The following FNDC3A variants were observed in gnomAD, a reference collection of about 807,000 sequenced individuals.
FNDC3A encodes the protein fibronectin type III domain containing 3A.
A neutral mutation model predicts 148.9 loss-of-function variants in FNDC3A; 32 were observed. That is an observed-to-expected ratio of 0.21 (90% CI 0.16 to 0.29). The LOEUF (loss-of-function observed/expected upper bound fraction) is 0.29. FNDC3A is among the 10% of genes least tolerant of loss of function. The pLI is 1.00. For synonymous variants in FNDC3A, 472 were observed against 473.6 expected (o/e 1.00, Z 0.04); for missense variants, 1,191 against 1,452.8 (o/e 0.82, Z 2.93).
chr13:49,011,976 A>G (rs1952355385), intron 2 of FNDC3A, among the ~76,000 whole-genome samples: 1 of 152,128 alleles, frequency 6.6e-6, no homozygotes, highest in African/African-American at 2.4e-5. Context: ...TTTTCCATGT[A>G]TGTATAACTT....
intron 3 of FNDC3A, among the ~76,000 whole-genome samples, chr13:49,107,749 C>T (rs578206815): frequency 6.6e-6 from 1 of 152,290 alleles, no homozygotes; most frequent in Non-Finnish European, 1.5e-5. Context: ...CTCTGATAAT[C>T]ATCCTAGAAA....
chr13:49,175,943 T>C (rs985259818), intron 13 of FNDC3A, among the ~76,000 whole-genome samples: 1 of 152,234 alleles, frequency 6.6e-6, no homozygotes, highest in African/African-American at 2.4e-5. Flanking sequence ...TTTCTGCATC[T>C]ATCGAGATAA....
At chr13:49,080,871 TC>T (rs754794379) in intron 3 of FNDC3A, among the ~76,000 whole-genome samples, 4 of 152,182 alleles carry the variant, frequency 2.6e-5, no homozygotes, top group Non-Finnish European at 5.9e-5. Context: ...CTAGATATCA[TC>T]TGTTCTGTGA....
intron 2 of FNDC3A, among the ~76,000 whole-genome samples, chr13:49,060,366 G>A (rs999332422): frequency 1.3e-5 from 2 of 151,948 alleles, no homozygotes; most frequent in East Asian, 1.9e-4. Flanking sequence ...ATGCTGAGGC[G>A]GGGCTGGTGG....
At position 49,178,616 on chromosome 13, in the gene FNDC3A, G is replaced by T. The variant is rs1433784816; in HGVS notation, c.1579G>T (p.Val527Leu). 3 of 1,583,118 alleles carry T rather than the reference G, an allele frequency of 1.9e-6. No individual in the cohort carries two copies. The East Asian group carries it at 7.0e-5, about 37-fold the overall frequency. ...KYDGEDLAYT[V>L]KNLRRSTKYK... is the part of the protein sequence containing the mutation. ...TGATGGAGAAGATCTTGCTTACACA[G>T]TGAAAAATCTCAGACGTAGTACTAA... The change falls in exon 14 of 26, where the codon GTG becomes TTG. Residue 527 changes from valine to leucine, a missense_variant. By Grantham distance (32) the Val-to-Leu change is conservative. Transcript: ENST00000492622.
intron 3 of FNDC3A, among the ~76,000 whole-genome samples, chr13:49,107,623 T>C (rs1270270749): frequency 6.6e-6 from 1 of 152,182 alleles, no homozygotes; most frequent in African/African-American, 2.4e-5. Context: ...GTATGTAATA[T>C]TGAGTTCAGT....
intron 3 of FNDC3A, among the ~76,000 whole-genome samples, chr13:49,079,055 G>A (rs1418967071): frequency 1.3e-5 from 2 of 152,164 alleles, no homozygotes; most frequent in African/African-American, 4.8e-5. Flanking sequence ...ATTTAGAAAT[G>A]AAAACTAGGT....
chr13:49,175,223 G>A (rs1884967425), intron 12 of FNDC3A, 144 bp from the exon 13 acceptor site: 2 of 513,148 alleles, frequency 3.9e-6, no homozygotes, highest in Non-Finnish European at 6.6e-6. Context: ...TTATCATAAA[G>A]AGATCAAACC....
Position 49,076,195 on chromosome 13 carries a change from C to G in FNDC3A, c.175+831C>G, listed in dbSNP as rs560610852. ...GAGAACCTAGGATTAAATCCCAGCT[C>G]CTCTGCTGTTTACTAGCTACATGAC... On this transcript the variant is annotated intron_variant, in intron 3 of 25. Coordinates refer to ENST00000492622, the MANE Select transcript of FNDC3A (RefSeq NM_001079673.2). Among the ~76,000 whole-genome samples, 14 of 152,114 alleles carry G rather than the reference C, an allele frequency of 9.2e-5. No individual in the cohort carries two copies. In the South Asian group the frequency reaches 2.9e-3, roughly 32 times the overall value.
chr13:49,047,974 A>T (rs1875543828), intron 2 of FNDC3A, among the ~76,000 whole-genome samples: 1 of 152,226 alleles, frequency 6.6e-6, no homozygotes, highest in Admixed American at 6.5e-5. Context: ...ATTTCTGTAT[A>T]AAGTGAGAGA....
At position 49,044,890 on chromosome 13, in the gene FNDC3A, C is replaced by T. The variant is rs1875240947; in HGVS notation, c.100-30399C>T. On this transcript the variant is annotated intron_variant, in intron 2 of 25. Transcript: ENST00000492622. The stretch of plus-strand genomic sequence containing the variant: ...TTGATTGTTCTTGGCAATGAGCAAA[C>T]CCTCAAGATTTGTTGAAATGTATCA... 6 of 283,770 alleles carry T rather than the reference C, an allele frequency of 2.1e-5. No individual in the cohort carries two copies. The South Asian group carries it at 2.3e-4, about 11-fold the overall frequency. 17.6% of individuals were successfully genotyped at this position (283,770 alleles called of 1,614,324 possible).
At chr13:49,005,720 G>T (rs554754241) in intron 1 of FNDC3A, among the ~76,000 whole-genome samples, 1 of 151,956 alleles carries the variant, frequency 6.6e-6, no homozygotes, top group South Asian at 2.1e-4. Context: ...TGATGAGGGG[G>T]ATTGAGTCTT....
chr13:48,993,589 G>A (rs1951962053), intron 1 of FNDC3A, among the ~76,000 whole-genome samples: 1 of 152,092 alleles, frequency 6.6e-6, no homozygotes, highest in Non-Finnish European at 1.5e-5. Flanking sequence ...TACCATACAT[G>A]AACTTTTTTT....
At chr13:49,037,686 C>A (rs1226320885) in intron 2 of FNDC3A, among the ~76,000 whole-genome samples, 1 of 152,202 alleles carries the variant, frequency 6.6e-6, no homozygotes, top group Non-Finnish European at 1.5e-5. Context: ...TCCCTGGCCT[C>A]ACCCCCCTCA....
At chr13:49,135,256 A>G (rs771468288) in intron 5 of FNDC3A, among the ~76,000 whole-genome samples, 1 of 152,142 alleles carries the variant, frequency 6.6e-6, no homozygotes, top group Non-Finnish European at 1.5e-5. Flanking sequence ...GTAAGAGTAT[A>G]TATATTCTGG....
At chr13:49,086,082 A>C (rs1295694560) in intron 3 of FNDC3A, among the ~76,000 whole-genome samples, 32 of 152,126 alleles carry the variant, frequency 2.1e-4, no homozygotes, top group Admixed American at 2.1e-3. Flanking sequence ...AGGTTTCACC[A>C]TGTTGGCCAG....
At chr13:49,082,994 G>A (rs1471713447) in intron 3 of FNDC3A, among the ~76,000 whole-genome samples, 1 of 152,136 alleles carries the variant, frequency 6.6e-6, no homozygotes, top group Non-Finnish European at 1.5e-5. Context: ...GTCAGATAGT[G>A]CACAATCTGG....
chr13:49,064,551 C>T (rs1000086698), intron 2 of FNDC3A, among the ~76,000 whole-genome samples: 1 of 152,010 alleles, frequency 6.6e-6, no homozygotes, highest in Non-Finnish European at 1.5e-5. Context: ...AGCAGTGTCT[C>T]CCTGAGGGAA....
At chr13:49,082,379 C>G (rs1227958433) in intron 3 of FNDC3A, among the ~76,000 whole-genome samples, 1 of 151,686 alleles carries the variant, frequency 6.6e-6, no homozygotes, top group Non-Finnish European at 1.5e-5. Flanking sequence ...GAGTAAGACT[C>G]CATCTCAAAA....
Sources: gnomAD v4.1 joint callset for allele counts (sites outside exome capture counted in the v4.1 genomes callset) on GRCh38, gnomAD v4.1.1 for gene constraint, MANE v1.5 for transcripts, NCBI Gene and HGNC (gene_info 2026-07-23, HGNC 2026-07-21) for gene names.